SSH1: variants seen among roughly 807,000 people sequenced by gnomAD.
SSH1 encodes slingshot protein phosphatase 1.
In SSH1, 43 loss-of-function variants were observed where a neutral mutation model predicts 79.7. That is an observed-to-expected ratio of 0.54 (90% CI 0.42 to 0.70). The LOEUF is 0.70. Among genes scored for constraint, SSH1 ranks in the 30% least tolerant of loss-of-function variants. The pLI is 0.00. For missense variants in SSH1, 1,206 were observed against 1,358.8 expected (o/e 0.89, Z 1.77); for synonymous variants, 599 against 538.3 (o/e 1.11, Z -1.56).
intron 14 of SSH1, chr12:108,791,934 A>G (rs530851628): frequency 7.7e-7 from 1 of 1,306,502 alleles, no homozygotes; most frequent in Non-Finnish European, 9.8e-7. Context: ...TTGGCTGATA[A>G]ATTATATGTT....
At chr12:108,819,748 G>T (rs1467009206) in intron 3 of SSH1, among the ~76,000 whole-genome samples, 1 of 152,102 alleles carries the variant, frequency 6.6e-6, no homozygotes, top group Non-Finnish European at 1.5e-5. Context: ...AGGATCGCTG[G>T]AGCCCAGGAG....
intron 10 of SSH1, among the ~76,000 whole-genome samples, chr12:108,802,992 G>A (rs2037087728): frequency 6.6e-6 from 1 of 152,142 alleles, no homozygotes; most frequent in Non-Finnish European, 1.5e-5. Flanking sequence ...TCATGATGGA[G>A]TCTTTAAAAC....
rs1370692882 is a variant in SSH1 at position 108,823,352 on chromosome 12, C to T, written c.120G>A (p.Glu40=). ...EDRKLNLSLS[E]SFFMVKGAAL... ...CTGCGCCTTTCACCATGAAAAAGCT[C>T]TCACTTAAGCTGGGAAGGATAAGAC... Residue 40 remains glutamate (E), a synonymous_variant, in exon 3 of 15, where the codon GAG becomes GAA. Transcript: ENST00000326495. 1 of 1,567,796 alleles carries T rather than the reference C, an allele frequency of 6.4e-7. No homozygotes were observed. Among genetic ancestry groups the T allele is most frequent in the Non-Finnish European group, 8.7e-7 (1 of 1,154,636 alleles).
chr12:108,801,566 A>G (rs1376498511), intron 11 of SSH1, among the ~76,000 whole-genome samples: 3 of 152,206 alleles, frequency 2.0e-5, no homozygotes, highest in African/African-American at 4.8e-5. Flanking sequence ...GAAAGCACAG[A>G]AGAGTATGGC....
At chr12:108,822,657 GA>G (rs1566002524) in intron 3 of SSH1, among the ~76,000 whole-genome samples, 1 of 152,162 alleles carries the variant, frequency 6.6e-6, no homozygotes, top group African/African-American at 2.4e-5. Flanking sequence ...CTTCAGCTCT[GA>G]GTCAAGTCTC....
chr12:108,817,012 G>A, intron 5 of SSH1, 26 bp downstream of exon 5: 1 of 1,613,232 alleles, frequency 6.2e-7, no homozygotes, highest in Non-Finnish European at 8.5e-7. Flanking sequence ...CCTCACAGAA[G>A]GGAACACCTA....
At chr12:108,793,947 G>A (rs1485322576) in intron 13 of SSH1, among the ~76,000 whole-genome samples, 1 of 152,204 alleles carries the variant, frequency 6.6e-6, no homozygotes, top group Non-Finnish European at 1.5e-5. Flanking sequence ...GCCTGGCTTA[G>A]GCTGCAGAGG....
chr12:108,838,351 T>C (rs145421508), intron 2 of SSH1, among the ~76,000 whole-genome samples: 49 of 152,334 alleles, frequency 3.2e-4, no homozygotes, highest in African/African-American at 1.1e-3. Context: ...AAGAGAACGA[T>C]GAAGAGCTCT....
chr12:108,790,571 A>T (rs2036461375), intron 14 of SSH1, among the ~76,000 whole-genome samples: 1 of 152,162 alleles, frequency 6.6e-6, no homozygotes, highest in East Asian at 1.9e-4. Context: ...AGCGTGAGCC[A>T]CTGCACCTGG....
At chr12:108,834,335 G>A (rs2038546956) in intron 2 of SSH1, 2 of 152,276 alleles carry the variant, frequency 1.3e-5, no homozygotes, top group African/African-American at 4.8e-5. Context: ...TCTCCAGGAA[G>A]CTTTCTCTTG....
At chr12:108,832,756 G>C (rs1190165947) in intron 2 of SSH1, among the ~76,000 whole-genome samples, 1 of 152,126 alleles carries the variant, frequency 6.6e-6, no homozygotes, top group Non-Finnish European at 1.5e-5. Flanking sequence ...CTTCACTGTG[G>C]GCCTTGCAGT....
chr12:108,823,042 T>C (rs1026330212), intron 3 of SSH1, among the ~76,000 whole-genome samples: 4 of 152,220 alleles, frequency 2.6e-5, no homozygotes, highest in African/African-American at 7.2e-5. Flanking sequence ...GCTGCTGACC[T>C]TACTCCTGAC....
intron 2 of SSH1, among the ~76,000 whole-genome samples, chr12:108,824,406 C>T (rs2038236716): frequency 6.6e-6 from 1 of 151,698 alleles, no homozygotes; most frequent in South Asian, 2.1e-4. Flanking sequence ...CAAGATCGCA[C>T]CACGCACCAC....
At chr12:108,835,184 C>G (rs2038569929) in intron 2 of SSH1, among the ~76,000 whole-genome samples, 2 of 152,166 alleles carry the variant, frequency 1.3e-5, no homozygotes, top group Non-Finnish European at 1.5e-5. Flanking sequence ...AATGTAACAC[C>G]AATAACATCT....
intron 5 of SSH1, among the ~76,000 whole-genome samples, chr12:108,814,295 G>C (rs1369481609): frequency 6.6e-6 from 1 of 151,776 alleles, no homozygotes; most frequent in Non-Finnish European, 1.5e-5. Context: ...CTGCCTTCTG[G>C]AGAAGCGTTG....
intron 9 of SSH1, 21 bp downstream of exon 9, chr12:108,806,280 T>C (rs778636916): frequency 3.1e-6 from 5 of 1,609,480 alleles, no homozygotes; most frequent in Admixed American, 1.7e-5. Context: ...TGACCTGCAA[T>C]GAAGGGAGGA....
At chr12:108,822,525 C>T (rs2038161853) in intron 3 of SSH1, among the ~76,000 whole-genome samples, 1 of 152,104 alleles carries the variant, frequency 6.6e-6, no homozygotes, top group Admixed American at 6.6e-5. Flanking sequence ...TAGCTTGCTG[C>T]AGCCTCAAAC....
At chr12:108,846,644 T>G (rs1347551079) in intron 2 of SSH1, among the ~76,000 whole-genome samples, 2 of 152,256 alleles carry the variant, frequency 1.3e-5, no homozygotes. Flanking sequence ...TCAGAAATAC[T>G]GTCTGAGTTA....
rs1430429533 is a variant in SSH1, at chr12:108,857,539, G to C, written c.-43C>G. ...AGGGCGCCACAGACGTCTCGAGCTA[G>C]AGCCGCCACCGCCACCGCCGCCCGG... On this transcript the variant is annotated 5_prime_UTR_variant, in exon 1 of 15. Coordinates refer to ENST00000326495, the MANE Select transcript of SSH1 (RefSeq NM_018984.4). This position sits in a 1 kb window ranked among gnomAD's most constrained non-coding sequence, Gnocchi z 4.7. 67 of 1,043,078 alleles carry C rather than the reference G, an allele frequency of 6.4e-5. No individual in the cohort carries two copies. The highest frequency in any genetic ancestry group is 8.2e-5 in the South Asian group (3 of 36,766). The allele number at this position is 1,043,078 out of a possible 1,614,324, so 64.6% of individuals were successfully genotyped here.
Sources: gnomAD v4.1 joint callset for allele counts (sites outside exome capture counted in the v4.1 genomes callset) on GRCh38, gnomAD v4.1.1 for gene constraint, Gnocchi (gnomAD v3.1) non-coding constraint, MANE v1.5 for transcripts, NCBI Gene and HGNC (gene_info 2026-07-23, HGNC 2026-07-21) for gene names.